Variants in TXNDC8 observed in about 807,000 individuals in gnomAD.
TXNDC8 encodes the protein thioredoxin domain containing 8.
A neutral mutation model predicts 12.9 loss-of-function variants in TXNDC8; 15 were observed. The observed-to-expected ratio is 1.16, with a 90% confidence interval of 0.78 to 1.79. The LOEUF (loss-of-function observed/expected upper bound fraction) is 1.79. TXNDC8 is among the 40% of genes most tolerant of loss of function. The pLI, the probability that TXNDC8 is intolerant of heterozygous loss-of-function variation, is 0.00. For synonymous variants in TXNDC8, 40 were observed against 35.4 expected (o/e 1.13, Z -0.46); for missense variants, 128 against 113.2 (o/e 1.13, Z -0.59).
chr9:110,304,020 A>T (rs1183569224), intron 4 of TXNDC8, among the ~76,000 whole-genome samples: 1 of 152,192 alleles, frequency 6.6e-6, no homozygotes, highest in Non-Finnish European at 1.5e-5. Context: ...CATTGATTCT[A>T]AGAAGCACAT....
chr9:110,304,443 C>T, intron 4 of TXNDC8, 24 bp downstream of exon 5: 1 of 1,596,836 alleles, frequency 6.3e-7, no homozygotes. Context: ...ATTTCTAACT[C>T]TAACTTGATC....
At chr9:110,302,377 C>T (rs959692903), downstream of TXNDC8, among the ~76,000 whole-genome samples, 1 of 152,192 alleles carries the variant, frequency 6.6e-6, no homozygotes, top group Non-Finnish European at 1.5e-5. Flanking sequence ...CTCAAGCAAT[C>T]CACCTGCCTT....
At chr9:110,307,802 G>T (rs10816966) in intron 3 of TXNDC8, among the ~76,000 whole-genome samples, 17,641 of 152,142 alleles carry the variant, frequency 0.12, 1,114 homozygotes, top group African/African-American at 0.17. Context: ...AAGTTGTCCT[G>T]CCTTTCCGGA....
At chr9:110,301,666 C>A (rs1464587823), downstream of TXNDC8, among the ~76,000 whole-genome samples, 1 of 152,104 alleles carries the variant, frequency 6.6e-6, no homozygotes, top group African/African-American at 2.4e-5. Context: ...GGACTACTTT[C>A]CAGCACGAAG....
At chr9:110,313,733 TG>T (rs1307139853) in intron 3 of TXNDC8, among the ~76,000 whole-genome samples, 1 of 152,052 alleles carries the variant, frequency 6.6e-6, no homozygotes, top group African/African-American at 2.4e-5. Flanking sequence ...ACAACCAAAA[TG>T]GAGTAATGTG....
intron 3 of TXNDC8, chr9:110,322,627 CAT>C (rs1374268584): frequency 1.2e-5 from 12 of 985,258 alleles, no homozygotes; most frequent in Non-Finnish European, 1.4e-5. Context: ...AGTCTTGTGT[CAT>C]CATAAAATGG....
At position 110,329,300 on chromosome 9, in the gene TXNDC8, TA is replaced by T; in HGVS notation, c.130-3061del. 1 of 1,596,794 alleles carries T rather than the reference TA, an allele frequency of 6.3e-7. No homozygotes were observed. The highest frequency in any genetic ancestry group is 8.5e-7 in the Non-Finnish European group (1 of 1,170,178). On this transcript the variant is annotated intron_variant, in intron 2 of 4. Transcript: ENST00000423740. ...TATTTCACAGACATAGCCTTCAAAA[TA>T]AAAAATAAATATTTCCCATTAGTTT...
intron 3 of TXNDC8, among the ~76,000 whole-genome samples, chr9:110,316,411 T>C (rs796827020): frequency 8.5e-5 from 13 of 152,252 alleles, no homozygotes; most frequent in African/African-American, 2.9e-4. Context: ...TTTCTCTGAC[T>C]CCTCCCCACC....
downstream of TXNDC8, chr9:110,303,421 G>A (rs1174524184): frequency 2.3e-6 from 3 of 1,328,386 alleles, no homozygotes; most frequent in Admixed American, 6.7e-5. Flanking sequence ...TTAGGAGAGA[G>A]ACCAGTGGAA....
At chr9:110,334,401 GT>G (rs1251052258) in intron 1 of TXNDC8, 81 bp from the exon 2 acceptor site, 1 of 1,326,462 alleles carries the variant, frequency 7.5e-7, no homozygotes, top group Non-Finnish European at 1.1e-6. Flanking sequence ...TGACAGATTA[GT>G]TTTGGTTTTG....
chr9:110,326,099 G>A, intron 3 of TXNDC8, 76 bp downstream of exon 4: 1 of 1,463,688 alleles, frequency 6.8e-7, no homozygotes, highest in Non-Finnish European at 9.5e-7. Flanking sequence ...ATCCACCCAG[G>A]ACAGCCAGGC....
In TXNDC8 at chr9:110,320,315, G is replaced by A. The variant is rs114305461; in HGVS notation, c.195+5860C>T. ...GGCGGGTCTTTCCTGTGCTATTCTC[G>A]TGATAGTGAATAAGTCTTATGAGAA... On this transcript the variant is annotated intron_variant, in intron 3 of 4. Coordinates refer to ENST00000423740, the MANE Select transcript of TXNDC8 (RefSeq NM_001286946.2). Among the ~76,000 whole-genome samples the A allele has an allele frequency of 5.8e-3, 880 of 152,234 alleles. 13 individuals carry two copies. The highest frequency in any genetic ancestry group is 0.02 in the African/African-American group (836 of 41,522).
At chr9:110,323,102 C>T in intron 3 of TXNDC8, 10 of 985,280 alleles carry the variant, frequency 1.0e-5, no homozygotes, top group Non-Finnish European at 1.2e-5. Context: ...AAAAGGATGC[C>T]ATACAGGGAG....
chr9:110,305,602 CTT>C lies in TXNDC8; in HGVS notation c.196-1072_196-1071del, dbSNP rs1298661396. 7.5e-3 allele frequency among the ~76,000 whole-genome samples: 798 copies of C among 106,134 alleles called. 10 individuals are homozygous for C. The highest frequency in any genetic ancestry group is 0.037 in the African/African-American group (736 of 19,990). 69.6% of individuals were successfully genotyped at this position (106,134 alleles called of 152,430 possible). On this transcript the variant is annotated intron_variant, in intron 3 of 4. Coordinates refer to ENST00000423740, the MANE Select transcript of TXNDC8 (RefSeq NM_001286946.2). Reference sequence around the variant, plus strand: ...TCTTTCTTTCTTTCTTTCTTTCTTTCTTTCTTTCTTTTTCTTCCTTCCTTCCT... The same window carrying C: ...TCTTTCTTTCTTTCTTTCTTTCTTTCTCTTTCTTTTTCTTCCTTCCTTCCT...
intron 3 of TXNDC8, among the ~76,000 whole-genome samples, chr9:110,305,575 TTTCTTTCTTTC>T (rs1175227121): frequency 1.4e-5 from 2 of 140,564 alleles, no homozygotes; most frequent in Non-Finnish European, 3.0e-5. Context: ...TCTTTCTTTC[TTTCTTTCTTTC>T]TTTCTTTCTT....
rs41278419 is a variant in TXNDC8 at position 110,303,614 on chromosome 9, T to G, written c.*68A>C. 11,398 of 1,570,752 alleles carry G rather than the reference T, an allele frequency of 7.3e-3. 69 individuals are homozygous for G. Among genetic ancestry groups the G allele is most frequent in the Non-Finnish European group, 8.4e-3 (9,746 of 1,154,488 alleles). ...CACAAATGCACAAAGGTGAAACATTTATTGATTCAAGTGCTGCGAAAATGT... is the reference window on the plus strand; with the variant it reads ...CACAAATGCACAAAGGTGAAACATTGATTGATTCAAGTGCTGCGAAAATGT... On this transcript the variant is annotated 3_prime_UTR_variant, in exon 5 of 5. Coordinates refer to ENST00000423740, the MANE Select transcript of TXNDC8 (RefSeq NM_001286946.2).
At chr9:110,317,135 C>G (rs777256713) in intron 3 of TXNDC8, among the ~76,000 whole-genome samples, 1 of 152,188 alleles carries the variant, frequency 6.6e-6, no homozygotes, top group Non-Finnish European at 1.5e-5. Context: ...GGGAATTCAC[C>G]TCAAGCCACA....
intron 3 of TXNDC8, among the ~76,000 whole-genome samples, chr9:110,320,044 G>A (rs140704823): frequency 6.7e-4 from 102 of 152,318 alleles, no homozygotes; most frequent in African/African-American, 2.3e-3. Context: ...TCTCTTATGA[G>A]TGAACCTAAG....
At chr9:110,322,076 A>C (rs1201606409) in intron 3 of TXNDC8, among the ~76,000 whole-genome samples, 2 of 152,226 alleles carry the variant, frequency 1.3e-5, no homozygotes, top group African/African-American at 4.8e-5. Flanking sequence ...GGAGGTTTTC[A>C]AATTATATCT....
Sources: allele counts gnomAD v4.1 joint callset (sites outside exome capture counted in the v4.1 genomes callset), GRCh38; gene constraint gnomAD v4.1.1; transcripts MANE v1.5; gene names NCBI Gene and HGNC (gene_info 2026-07-23, HGNC 2026-07-21).